Variants in CCDC146 observed in about 807,000 individuals in gnomAD.
CCDC146 encodes coiled-coil domain-containing protein 146.
Under a neutral mutation model 119.3 loss-of-function variants are expected in CCDC146, and 92 were observed. The observed-to-expected ratio is 0.77, with a 90% CI of 0.65 to 0.92. The LOEUF is 0.92. CCDC146 is among the 40% of genes least tolerant of loss of function. CCDC146 has a pLI of 0.00. For synonymous variants in CCDC146, 372 were observed against 371.8 expected, an observed-to-expected ratio of 1.00 and a Z score of -0.01; for missense variants, 1,000 against 1,103.0, an observed-to-expected ratio of 0.91 and a Z score of 1.32.
chr7:77,242,430 G>T (rs1230831737), intron 4 of CCDC146: 6 of 976,310 alleles, frequency 6.1e-6, no homozygotes, highest in Non-Finnish European at 6.1e-6. Flanking sequence ...AAGGAGAAAA[G>T]GTATATCCTT....
chr7:77,158,588 C>T (rs187623863), intron 1 of CCDC146, among the ~76,000 whole-genome samples: 5 of 152,126 alleles, frequency 3.3e-5, no homozygotes, highest in Admixed American at 6.5e-5. Context: ...GGCGCTATCT[C>T]GGCTCACTGC....
intron 1 of CCDC146, among the ~76,000 whole-genome samples, chr7:77,144,900 C>A (rs1790991684): frequency 1.3e-5 from 2 of 151,638 alleles, no homozygotes; most frequent in Non-Finnish European, 2.9e-5. Context: ...GTGTCTCTGC[C>A]AGCCTTTGGT....
intron 1 of CCDC146, among the ~76,000 whole-genome samples, chr7:77,128,326 G>A (rs867151228): frequency 2.0e-5 from 3 of 151,696 alleles, no homozygotes; most frequent in African/African-American, 7.3e-5. Flanking sequence ...GTCAGAACTC[G>A]ACCAATTTCC....
intron 17 of CCDC146, among the ~76,000 whole-genome samples, chr7:77,288,547 C>T (rs1385448811): frequency 6.6e-6 from 1 of 152,240 alleles, no homozygotes; most frequent in East Asian, 1.9e-4. Flanking sequence ...TCATGCGAGG[C>T]CTTTCATGCA....
At chr7:77,133,203 T>A (rs1790811573) in intron 1 of CCDC146, among the ~76,000 whole-genome samples, 1 of 152,022 alleles carries the variant, frequency 6.6e-6, no homozygotes, top group Non-Finnish European at 1.5e-5. Context: ...CAAAACTCAG[T>A]GCGATTCCTG....
intron 9 of CCDC146, among the ~76,000 whole-genome samples, chr7:77,264,285 A>G (rs1287580114): frequency 6.6e-6 from 1 of 152,052 alleles, no homozygotes; most frequent in African/African-American, 2.4e-5. Context: ...TTTTGGAGAC[A>G]GTCTTGCTTT....
At chr7:77,233,574 A>G (rs1229879365) in intron 2 of CCDC146, among the ~76,000 whole-genome samples, 2 of 152,218 alleles carry the variant, frequency 1.3e-5, no homozygotes, top group African/African-American at 4.8e-5. Context: ...TCCGTGGGGC[A>G]GAAGGAATGC....
intron 2 of CCDC146, among the ~76,000 whole-genome samples, chr7:77,185,582 A>AAGT (rs1418483515): frequency 1.3e-5 from 2 of 152,200 alleles, no homozygotes; most frequent in Non-Finnish European, 2.9e-5. Flanking sequence ...GACAATACCC[A>AAGT]AGTTCTCTTT....
chr7:77,144,085 A>G (rs945945977), intron 1 of CCDC146, among the ~76,000 whole-genome samples: 27 of 151,644 alleles, frequency 1.8e-4, no homozygotes, highest in Non-Finnish European at 2.5e-4. Context: ...ATCTTCTTTT[A>G]TTTCATTGAG....
intron 9 of CCDC146, among the ~76,000 whole-genome samples, chr7:77,264,522 A>G (rs1422636556): frequency 6.6e-6 from 1 of 152,164 alleles, no homozygotes; most frequent in East Asian, 1.9e-4. Flanking sequence ...GCCTCCCCAA[A>G]GTGCTGGGAT....
chr7:77,293,260 A>T, intron 18 of CCDC146, 60 bp downstream of exon 18: 11 of 773,770 alleles, frequency 1.4e-5, no homozygotes, highest in Non-Finnish European at 1.7e-5. Flanking sequence ...GCATTCAGGC[A>T]ACCCACAGTT....
intron 2 of CCDC146, among the ~76,000 whole-genome samples, chr7:77,204,879 G>A (rs1792055464): frequency 6.6e-6 from 1 of 152,152 alleles, no homozygotes; most frequent in African/African-American, 2.4e-5. Flanking sequence ...AGCACTTTGG[G>A]AAACTGAAGT....
chr7:77,277,012 C>T (rs538773609), intron 11 of CCDC146, among the ~76,000 whole-genome samples: 6 of 152,146 alleles, frequency 3.9e-5, no homozygotes, highest in South Asian at 2.1e-4. Flanking sequence ...GCGGAGGTTG[C>T]AGTGAGCTGA....
At chr7:77,262,025 A>G in intron 8 of CCDC146, 96 bp from the exon 9 acceptor site, 2 of 988,492 alleles carry the variant, frequency 2.0e-6, no homozygotes, top group South Asian at 3.4e-5. Context: ...AGAGATTGGG[A>G]GCCAATATTC....
intron 14 of CCDC146, among the ~76,000 whole-genome samples, chr7:77,281,373 CT>C (rs779049761): frequency 3.3e-5 from 5 of 152,126 alleles, no homozygotes; most frequent in Non-Finnish European, 7.4e-5. Flanking sequence ...TTAGTAAGAC[CT>C]TTAGGAGTAG....
At position 77,289,618 on chromosome 7, in the gene CCDC146, G is replaced by GT. The variant is rs1446004595; in HGVS notation, c.2415+2042dup. Among the ~76,000 whole-genome samples the GT allele has an allele frequency of 2.0e-5, 3 of 152,316 alleles. No homozygotes were observed. The South Asian group carries it at 6.2e-4, about 32-fold the overall frequency. On this transcript the variant is annotated intron_variant, in intron 17 of 18. Transcript: ENST00000285871. ...GGTGTGATAGCCAAAGTTGTTGCAAGTATTACATAGTCGAACACGTAAGTG... is the reference window on the plus strand; with the variant it reads ...GGTGTGATAGCCAAAGTTGTTGCAAGTTATTACATAGTCGAACACGTAAGTG...
At position 77,280,620 on chromosome 7, in the gene CCDC146, G is replaced by C; in HGVS notation, c.1886G>C (p.Arg629Thr). Residue 629 changes from arginine (R) to threonine (T), a missense_variant, in exon 14 of 19, where the codon AGA becomes ACA. Arg to Thr is a moderately conservative substitution (Grantham distance 71, BLOSUM62 -1). Transcript: ENST00000285871. The stretch of plus-strand genomic sequence containing the variant: ...GAGGAGATGGTGCAGCTTCGCAAAA[G>C]ATACGAAAAAGCTGTTCAGCATCGA... ...IEEEMVQLRK[R>T]YEKAVQHRNE... 3 of 1,613,496 alleles carry C rather than the reference G, an allele frequency of 1.9e-6. No homozygotes were observed. The highest frequency in any genetic ancestry group is 2.5e-6 in the Non-Finnish European group (3 of 1,179,732).
Position 77,196,859 on chromosome 7 carries a change from A to G in CCDC146, c.156+29035A>G, listed in dbSNP as rs1334506370. On this transcript the variant is annotated intron_variant, in intron 2 of 18. Transcript: ENST00000285871. This position sits in a 1 kb window ranked among gnomAD's most constrained non-coding sequence, Gnocchi z 4.2. ...CTGCAGCACTGTCCAGCCTCCCCCC[A>G]TGGTCTCCATGTCACAGTAAACTTC... 3.1e-6 allele frequency: 5 copies of G among 1,613,268 alleles called. No individual in the cohort carries two copies. The highest frequency in any genetic ancestry group is 2.2e-5 in the East Asian group (1 of 44,830).
chr7:77,174,614 A>T (rs2150412359), intron 2 of CCDC146, among the ~76,000 whole-genome samples: 1 of 152,256 alleles, frequency 6.6e-6, no homozygotes, highest in Middle Eastern at 3.4e-3. Flanking sequence ...GTAAACTAAC[A>T]TGGCACACTG....
Sources: allele counts gnomAD v4.1 joint callset (sites outside exome capture counted in the v4.1 genomes callset), GRCh38; gene constraint gnomAD v4.1.1; non-coding constraint Gnocchi (gnomAD v3.1); transcripts MANE v1.5; gene names NCBI Gene and HGNC (gene_info 2026-07-23, HGNC 2026-07-21).